The following DPP10 variants were observed in gnomAD, a reference collection of about 807,000 sequenced individuals.
The protein encoded by DPP10 is dipeptidyl peptidase like 10, also known as inactive dipeptidyl peptidase 10.
In DPP10, 33 loss-of-function variants were observed where a neutral mutation model predicts 120.9. The ratio of observed to expected loss-of-function variants is 0.27; its 90% CI spans 0.21 to 0.37. The LOEUF is 0.37. Ranked by LOEUF, DPP10 falls within the 10% of genes least tolerant of loss-of-function variation. The pLI is 1.00. For synonymous variants in DPP10, 337 were observed against 326.1 expected (o/e 1.03, Z -0.36); for missense variants, 816 against 942.8 (o/e 0.87, Z 1.76).
Position 115,782,454 on chromosome 2 carries a change from A to G in DPP10, c.1531+55A>G, listed in dbSNP as rs1682885068. On this transcript the variant is annotated intron_variant, in intron 17 of 25. Transcript: ENST00000410059. ...GTTATGGTTGGCATTAGTCTTAGAC[A>G]TCGTGTTATCTATTCTGAGTCATAT... 4 of 1,484,482 alleles carry G rather than the reference A, an allele frequency of 2.7e-6. No homozygotes were observed. In the South Asian group the frequency reaches 4.6e-5, roughly 17 times the overall value. The allele number at this position is 1,484,482 out of a possible 1,614,324, so 92.0% of individuals were successfully genotyped here. A position where few individuals can be genotyped will look rare whatever the true frequency, so the allele number is the denominator to read the frequency against.
rs1273164740 is a variant in DPP10, at chr2:114,532,270, TATATATATATATATATATATATATATAC to T, written c.60+89434_60+89461del. Reference sequence around the variant, plus strand: ...TAATAAATCTCCATATATATATATATATATATATATATATATATATATATATACACACACACACACACACACAGATACA... The same window carrying T: ...TAATAAATCTCCATATATATATATATACACACACACACACACACAGATACA... On this transcript the variant is annotated intron_variant, in intron 1 of 25. Transcript: ENST00000410059. Among the ~76,000 whole-genome samples, 129 of 29,538 alleles carry T rather than the reference TATATATATATATATATATATATATATAC, an allele frequency of 4.4e-3. 1 individual carries two copies. Among genetic ancestry groups the T allele is most frequent in the East Asian group, 0.028 (11 of 386 alleles). 19.4% of individuals were successfully genotyped at this position (29,538 alleles called of 152,430 possible).
chr2:114,784,320 G>T (rs1295975397), intron 1 of DPP10, among the ~76,000 whole-genome samples: 1 of 152,076 alleles, frequency 6.6e-6, no homozygotes, highest in Non-Finnish European at 1.5e-5. Context: ...AGAAACAACA[G>T]CATCTGTCCT....
At chr2:115,150,882 G>A (rs2051504462) in intron 1 of DPP10, among the ~76,000 whole-genome samples, 1 of 152,124 alleles carries the variant, frequency 6.6e-6, no homozygotes, top group Non-Finnish European at 1.5e-5. Flanking sequence ...AGTGTGTTGG[G>A]ATAAATAAAA....
chr2:115,161,800 G>T, intron 1 of DPP10: 1 of 710,588 alleles, frequency 1.4e-6, no homozygotes, highest in Non-Finnish European at 2.0e-6. Flanking sequence ...GCCCGGTGCC[G>T]CTCTTCTTCC....
chr2:114,570,836 T>TAAAAAAA (rs58796386), intron 1 of DPP10, among the ~76,000 whole-genome samples: 35 of 57,768 alleles, frequency 6.1e-4, no homozygotes, highest in African/African-American at 7.6e-4. Flanking sequence ...CTGTCTCAAA[T>TAAAAAAA]AAAAAAAAAA....
intron 1 of DPP10, among the ~76,000 whole-genome samples, chr2:114,962,209 G>T (rs1361003836): frequency 6.6e-6 from 1 of 152,064 alleles, no homozygotes; most frequent in Non-Finnish European, 1.5e-5. Flanking sequence ...AATAAAGCTG[G>T]GGAGAGGTTA....
chr2:114,575,055 G>C (rs1689953144), intron 1 of DPP10, among the ~76,000 whole-genome samples: 1 of 152,226 alleles, frequency 6.6e-6, no homozygotes, highest in African/African-American at 2.4e-5. Context: ...GATGAAAAAT[G>C]CATGCTCCAT....
chr2:115,361,533 T>C (rs1165070421), intron 3 of DPP10, among the ~76,000 whole-genome samples: 2 of 152,046 alleles, frequency 1.3e-5, no homozygotes, highest in African/African-American at 4.8e-5. Flanking sequence ...CTGCACCCCC[T>C]CATGCAAAAT....
Position 115,113,519 on chromosome 2 carries a change from C to CA in DPP10, c.61-195717dup, listed in dbSNP as rs373011759. On this transcript the variant is annotated intron_variant, in intron 1 of 25. Coordinates refer to ENST00000410059, the MANE Select transcript of DPP10 (RefSeq NM_020868.6). ...ACTTCTAATCTGATTAGTGTGAAGT[C>CA]AAACAATAGTGAATTCGTACTCACT... Among the ~76,000 whole-genome samples, 603 of 152,202 alleles carry CA rather than the reference C, an allele frequency of 4.0e-3. 2 individuals carry two copies. The highest frequency in any genetic ancestry group is 0.014 in the African/African-American group (565 of 41,518).
intron 1 of DPP10, among the ~76,000 whole-genome samples, chr2:115,178,620 T>C (rs2053868428): frequency 6.6e-6 from 1 of 152,232 alleles, no homozygotes; most frequent in Non-Finnish European, 1.5e-5. Context: ...TAAAGATAAC[T>C]ACTGCATTTA....
intron 2 of DPP10, among the ~76,000 whole-genome samples, chr2:115,331,018 G>A (rs1004660474): frequency 8.5e-5 from 13 of 152,122 alleles, no homozygotes; most frequent in African/African-American, 1.4e-4. Flanking sequence ...ACCTTGGGCA[G>A]TATGGCCATT....
chr2:115,238,455 A>G (rs1409475047), intron 1 of DPP10, among the ~76,000 whole-genome samples: 3 of 152,250 alleles, frequency 2.0e-5, no homozygotes, highest in Non-Finnish European at 4.4e-5. Flanking sequence ...CATTCATTGT[A>G]CAGCCCTTGA....
chr2:115,598,737 A>G (rs1409708354), intron 5 of DPP10, among the ~76,000 whole-genome samples: 1 of 151,276 alleles, frequency 6.6e-6, no homozygotes, highest in Non-Finnish European at 1.5e-5. Context: ...TAACATTTTT[A>G]ATGCGGTTTG....
At chr2:114,709,557 A>G (rs1700894224) in intron 1 of DPP10, among the ~76,000 whole-genome samples, 1 of 152,168 alleles carries the variant, frequency 6.6e-6, no homozygotes, top group African/African-American at 2.4e-5. Context: ...ACTTAATTGC[A>G]TGGTGTTTTC....
intron 5 of DPP10, among the ~76,000 whole-genome samples, chr2:115,673,171 A>C (rs1413445951): frequency 1.3e-5 from 2 of 152,166 alleles, no homozygotes; most frequent in Non-Finnish European, 2.9e-5. Flanking sequence ...AAAACAGAAC[A>C]ATCATTAATG....
At chr2:115,382,624 C>T (rs1288172888) in intron 3 of DPP10, among the ~76,000 whole-genome samples, 1 of 152,048 alleles carries the variant, frequency 6.6e-6, no homozygotes, top group African/African-American at 2.4e-5. Context: ...GAAAATAGGT[C>T]TCTTCCTAGA....
intron 1 of DPP10, among the ~76,000 whole-genome samples, chr2:114,539,118 T>A (rs920794572): frequency 4.7e-5 from 7 of 150,000 alleles, no homozygotes; most frequent in Non-Finnish European, 7.4e-5. Context: ...AAATAAAAAT[T>A]GTATTTTATA....
chr2:114,986,694 T>C (rs760234782), intron 1 of DPP10, among the ~76,000 whole-genome samples: 2 of 152,204 alleles, frequency 1.3e-5, no homozygotes, highest in Non-Finnish European at 2.9e-5. Context: ...CAAAAGGCAA[T>C]GAGAATCCAA....
At chr2:114,839,913 G>A (rs1361420160) in intron 1 of DPP10, among the ~76,000 whole-genome samples, 1 of 152,046 alleles carries the variant, frequency 6.6e-6, no homozygotes, top group Non-Finnish European at 1.5e-5. Flanking sequence ...GCACACTCAG[G>A]GCTTACAACT....
Sources: gnomAD v4.1 joint callset for allele counts (sites outside exome capture counted in the v4.1 genomes callset) on GRCh38, gnomAD v4.1.1 for gene constraint, MANE v1.5 for transcripts, NCBI Gene and HGNC (gene_info 2026-07-23, HGNC 2026-07-21) for gene names.